FAM53B: variants seen among roughly 807,000 people sequenced by gnomAD.
FAM53B encodes the protein family with sequence similarity 53 member B, also known as protein FAM53B.
In FAM53B, 12 loss-of-function variants were observed where a neutral mutation model predicts 32.7. The ratio of observed to expected loss-of-function variants is 0.37; its 90% confidence interval spans 0.24 to 0.59. The LOEUF (loss-of-function observed/expected upper bound fraction) is 0.59, where lower values mean the gene tolerates loss of function less well. Among genes scored for constraint, FAM53B ranks in the 20% least tolerant of loss-of-function variants. FAM53B has a pLI of 0.72. For missense variants in FAM53B, 477 were observed against 577.7 expected (o/e 0.83, Z 1.79); for synonymous variants, 234 against 228.7 (o/e 1.02, Z -0.21).
At chr10:124,663,630 G>T (rs375150445) in intron 4 of FAM53B, among the ~76,000 whole-genome samples, 1 of 152,204 alleles carries the variant, frequency 6.6e-6, no homozygotes, top group Non-Finnish European at 1.5e-5. Flanking sequence ...TCTGGGGTGG[G>T]CACCGAGGTT....
intron 4 of FAM53B, among the ~76,000 whole-genome samples, chr10:124,631,761 C>T (rs1949392604): frequency 6.6e-6 from 1 of 152,170 alleles, no homozygotes; most frequent in Admixed American, 6.5e-5. Context: ...TCTGCACCAG[C>T]CCTGGGTCAG....
intron 4 of FAM53B, among the ~76,000 whole-genome samples, chr10:124,664,598 G>A (rs1319180934): frequency 3.9e-5 from 6 of 152,192 alleles, no homozygotes; most frequent in Middle Eastern, 3.2e-3. Context: ...CCAACTCTCC[G>A]GCCCTCAGCA....
intron 4 of FAM53B, among the ~76,000 whole-genome samples, chr10:124,644,298 C>G (rs908179899): frequency 1.3e-5 from 2 of 152,232 alleles, no homozygotes; most frequent in Non-Finnish European, 2.9e-5. Flanking sequence ...TACCCAGTGA[C>G]AGCTAAGACC....
intron 2 of FAM53B, among the ~76,000 whole-genome samples, chr10:124,701,668 A>G (rs1210928181): frequency 6.6e-6 from 1 of 152,234 alleles, no homozygotes; most frequent in African/African-American, 2.4e-5. Flanking sequence ...TGGAAGGAAG[A>G]GCCCACTCAG....
chr10:124,681,024 G>A (rs1464262645), intron 4 of FAM53B, among the ~76,000 whole-genome samples: 1 of 152,358 alleles, frequency 6.6e-6, no homozygotes, highest in East Asian at 1.9e-4. Flanking sequence ...AAGTGACAGG[G>A]GCGTGTGGCC....
At chr10:124,656,252 A>ACTC (rs1318470963) in intron 4 of FAM53B, among the ~76,000 whole-genome samples, 1 of 152,164 alleles carries the variant, frequency 6.6e-6, no homozygotes, top group Non-Finnish European at 1.5e-5. Flanking sequence ...TACAGCAGGC[A>ACTC]CTCCCACTGT....
intron 1 of FAM53B, among the ~76,000 whole-genome samples, chr10:124,712,631 G>A (rs1335824526): frequency 6.6e-6 from 1 of 151,998 alleles, no homozygotes; most frequent in African/African-American, 2.4e-5. Flanking sequence ...CCTCTCTCCC[G>A]TGACTCCCTG....
At chr10:124,695,774 G>A (rs549933544) in intron 3 of FAM53B, among the ~76,000 whole-genome samples, 11 of 152,250 alleles carry the variant, frequency 7.2e-5, no homozygotes, top group African/African-American at 2.4e-4. Flanking sequence ...TATGTTCATC[G>A]TGGAATGGGC....
chr10:124,743,551 G>A (rs1358855534), intron 1 of FAM53B, among the ~76,000 whole-genome samples: 1 of 152,200 alleles, frequency 6.6e-6, no homozygotes, highest in Non-Finnish European at 1.5e-5. Flanking sequence ...GAACAAAAGA[G>A]TTGTCTGCAA....
chr10:124,730,965 G>C (rs1250394721), intron 1 of FAM53B, among the ~76,000 whole-genome samples: 3 of 152,128 alleles, frequency 2.0e-5, no homozygotes, highest in African/African-American at 7.2e-5. Flanking sequence ...CTACACAAAC[G>C]GATGTGGCTG....
At chr10:124,669,625 C>T (rs546357223) in intron 4 of FAM53B, among the ~76,000 whole-genome samples, 1 of 152,216 alleles carries the variant, frequency 6.6e-6, no homozygotes, top group African/African-American at 2.4e-5. Context: ...CCTACCTGAC[C>T]GTCAGGGAAC....
At chr10:124,660,463 C>G (rs982911685) in intron 4 of FAM53B, among the ~76,000 whole-genome samples, 2 of 152,226 alleles carry the variant, frequency 1.3e-5, no homozygotes, top group African/African-American at 2.4e-5. Context: ...ACCCTGATAC[C>G]AAGGCTCCAG....
intron 4 of FAM53B, among the ~76,000 whole-genome samples, chr10:124,652,173 G>C (rs1949560296): frequency 6.6e-6 from 1 of 152,180 alleles, no homozygotes; most frequent in African/African-American, 2.4e-5. Context: ...CCGGTGTCCA[G>C]CAATGGTTAT....
chr10:124,680,177 A>C (rs1005506128), intron 4 of FAM53B, among the ~76,000 whole-genome samples: 31 of 152,232 alleles, frequency 2.0e-4, no homozygotes, highest in Non-Finnish European at 4.0e-4. Flanking sequence ...AAAGATTGGC[A>C]CACGCCTAGA....
intron 1 of FAM53B, among the ~76,000 whole-genome samples, chr10:124,740,814 G>C (rs1324047110): frequency 1.3e-5 from 2 of 152,206 alleles, no homozygotes; most frequent in Non-Finnish European, 2.9e-5. Context: ...GCCAGACCCT[G>C]TTTTGTGGCG....
In FAM53B at chr10:124,622,918, A is replaced by C; in HGVS notation, c.*324T>G. The C allele has an allele frequency of 4.7e-5, 11 of 231,888 alleles. No homozygotes were observed. Among genetic ancestry groups the C allele is most frequent in the East Asian group, 1.2e-4 (1 of 8,632 alleles). The allele number at this position is 231,888 out of a possible 1,614,324, so 14.4% of individuals were successfully genotyped here. ...AGAGCGGTGCCCAGCTCTGCCGGGG[A>C]CAACAGAGACTGCCCAACATCCCAC... On this transcript the variant is annotated 3_prime_UTR_variant, in exon 5 of 5. Coordinates refer to ENST00000337318, the MANE Select transcript of FAM53B (RefSeq NM_014661.4).
At chr10:124,661,960 G>A (rs562457201) in intron 4 of FAM53B, among the ~76,000 whole-genome samples, 29 of 152,312 alleles carry the variant, frequency 1.9e-4, no homozygotes, top group Admixed American at 4.6e-4. Flanking sequence ...CGGTGAGCCC[G>A]GCTGCTTGGC....
At chr10:124,723,515 C>A (rs1007376631) in intron 1 of FAM53B, among the ~76,000 whole-genome samples, 1 of 152,262 alleles carries the variant, frequency 6.6e-6, no homozygotes, top group Non-Finnish European at 1.5e-5. Flanking sequence ...CACACCTCCT[C>A]AGGAACCTGA....
chr10:124,647,254 G>T (rs1422196058), intron 4 of FAM53B, among the ~76,000 whole-genome samples: 1 of 152,148 alleles, frequency 6.6e-6, no homozygotes, highest in Non-Finnish European at 1.5e-5. Context: ...CATAAATGGG[G>T]ACTCTGAGTC....
Sources: allele counts gnomAD v4.1 joint callset (sites outside exome capture counted in the v4.1 genomes callset), GRCh38; gene constraint gnomAD v4.1.1; transcripts MANE v1.5; gene names NCBI Gene and HGNC (gene_info 2026-07-23, HGNC 2026-07-21).